POU6F2: variants seen among roughly 807,000 people sequenced by gnomAD.
POU6F2 encodes the protein POU class 6 homeobox 2, also known as POU domain, class 6, transcription factor 2.
In POU6F2, 31 loss-of-function variants were observed where a neutral mutation model predicts 71.3. The observed-to-expected ratio is 0.43, with a 90% CI of 0.33 to 0.59. POU6F2 has a LOEUF of 0.59. Among genes scored for constraint, POU6F2 ranks in the 20% least tolerant of loss-of-function variants. The pLI, the probability that POU6F2 is intolerant of heterozygous loss-of-function variation, is 0.04. For synonymous variants in POU6F2, 347 were observed against 355.7 expected (o/e 0.98, Z 0.27); for missense variants, 783 against 856.8 (o/e 0.91, Z 1.07).
chr7:38,999,108 T>C (rs1460934272), intron 1 of POU6F2, among the ~76,000 whole-genome samples: 5 of 152,136 alleles, frequency 3.3e-5, no homozygotes, highest in East Asian at 3.9e-4. Context: ...TGGAGTTAAG[T>C]AGAAGGCATT....
chr7:39,334,733 G>C (rs923954087), intron 4 of POU6F2, among the ~76,000 whole-genome samples: 21 of 152,210 alleles, frequency 1.4e-4, no homozygotes, highest in African/African-American at 4.8e-4. Context: ...ATGGGCATGT[G>C]TGGATGTTCC....
At chr7:39,235,713 C>T (rs1439679528) in intron 4 of POU6F2, among the ~76,000 whole-genome samples, 1 of 152,178 alleles carries the variant, frequency 6.6e-6, no homozygotes, top group African/African-American at 2.4e-5. Flanking sequence ...TACCTATTGA[C>T]ACTATGCTGC....
intron 2 of POU6F2, among the ~76,000 whole-genome samples, chr7:39,141,727 A>T (rs540463268): frequency 2.0e-3 from 307 of 152,354 alleles, no homozygotes; most frequent in Non-Finnish European, 3.4e-3. Flanking sequence ...TATTATTTTT[A>T]AAAAAGATGT....
At chr7:39,329,303 G>A (rs1490858155) in intron 4 of POU6F2, among the ~76,000 whole-genome samples, 2 of 149,978 alleles carry the variant, frequency 1.3e-5, no homozygotes, top group Non-Finnish European at 3.0e-5. Context: ...ATATGAGACA[G>A]AAAGCAAGCC....
intron 8 of POU6F2, among the ~76,000 whole-genome samples, chr7:39,452,646 GT>G: frequency 6.6e-6 from 1 of 152,248 alleles, no homozygotes; most frequent in African/African-American, 2.4e-5. Flanking sequence ...AAAATGGATG[GT>G]TGCCATGACC....
At chr7:39,407,668 T>C (rs2115901118) in intron 6 of POU6F2, among the ~76,000 whole-genome samples, 1 of 152,098 alleles carries the variant, frequency 6.6e-6, no homozygotes, top group Non-Finnish European at 1.5e-5. Flanking sequence ...CAGCAGTGTG[T>C]TTGCATACTC....
chr7:39,184,666 G>T (rs1438138344), intron 2 of POU6F2, among the ~76,000 whole-genome samples: 4 of 152,144 alleles, frequency 2.6e-5, no homozygotes, highest in Non-Finnish European at 5.9e-5. Flanking sequence ...TGGCTTGGGT[G>T]GGGCACTCAT....
intron 1 of POU6F2, among the ~76,000 whole-genome samples, chr7:39,009,555 C>T (rs976979679): frequency 7.2e-4 from 110 of 152,248 alleles, no homozygotes; most frequent in African/African-American, 2.6e-3. Context: ...ACTTCCAACA[C>T]TATGTTGAAT....
chr7:39,371,510 T>C (rs17686795), intron 5 of POU6F2, among the ~76,000 whole-genome samples: 25,568 of 152,068 alleles, frequency 0.17, 2,415 homozygotes, highest in Admixed American at 0.24. Context: ...GTCTGGGGGC[T>C]CGGAGCACTA....
chr7:39,202,666 G>A (rs1353163556), intron 2 of POU6F2, among the ~76,000 whole-genome samples: 2 of 152,168 alleles, frequency 1.3e-5, no homozygotes, highest in African/African-American at 4.8e-5. Flanking sequence ...CAAATGCCGT[G>A]CTTTTAAGCA....
intron 5 of POU6F2, among the ~76,000 whole-genome samples, chr7:39,368,947 G>A (rs1294225433): frequency 6.6e-6 from 1 of 152,180 alleles, no homozygotes; most frequent in Admixed American, 6.5e-5. Flanking sequence ...ACTGAAGGTG[G>A]GGTGGAAATA....
intron 1 of POU6F2, among the ~76,000 whole-genome samples, chr7:38,996,886 G>C (rs2128698119): frequency 6.6e-6 from 1 of 152,212 alleles, no homozygotes; most frequent in East Asian, 1.9e-4. Context: ...TTAATGAATG[G>C]ACAGAGCACA....
intron 2 of POU6F2, among the ~76,000 whole-genome samples, chr7:39,153,940 C>A (rs1377773878): frequency 6.6e-6 from 1 of 152,120 alleles, no homozygotes; most frequent in Non-Finnish European, 1.5e-5. Flanking sequence ...ATAAACTCTG[C>A]CACCTATAAT....
At chr7:39,178,438 G>A (rs1009823985) in intron 2 of POU6F2, among the ~76,000 whole-genome samples, 3 of 152,038 alleles carry the variant, frequency 2.0e-5, no homozygotes, top group Middle Eastern at 3.4e-3. Context: ...TATTTTCTAA[G>A]TATTATAACA....
chr7:39,104,905 T>C (rs1183532587), intron 2 of POU6F2, among the ~76,000 whole-genome samples: 1 of 152,252 alleles, frequency 6.6e-6, no homozygotes, highest in Non-Finnish European at 1.5e-5. Flanking sequence ...AAATGGGAGA[T>C]AATGTCTGCA....
Position 39,460,681 on chromosome 7 carries a change from G to A in POU6F2, c.1624G>A (p.Glu542Lys), listed in dbSNP as rs768964948. The change falls in exon 9 of 10, where the codon GAG becomes AAG. Residue 542 changes from glutamate to lysine, a missense_variant. Around this residue, in one of 2 missense-constraint regions of POU6F2, gnomAD observed 211 missense variants for 283.9 expected, o/e 0.74. Transcript: ENST00000518318. This position sits in a 1 kb window ranked among gnomAD's most constrained non-coding sequence, Gnocchi z 4.4. ...GGTGGGACAGGCTCTCAGTGCTACA[G>A]AGGGCCCCGCGTACAGCCAGTCGGC... The part of the protein sequence containing the change: ...TQVGQALSAT[E>K]GPAYSQSAIC... 2 of 1,608,390 alleles carry A rather than the reference G, an allele frequency of 1.2e-6. No homozygotes were observed. The highest frequency in any genetic ancestry group is 2.2e-5 in the East Asian group (1 of 44,634).
chr7:39,016,057 T>TATATATATC (rs1789531745), intron 1 of POU6F2, among the ~76,000 whole-genome samples: 1 of 37,916 alleles, frequency 2.6e-5, no homozygotes, highest in Non-Finnish European at 5.4e-5. Flanking sequence ...TTATATATAT[T>TATATATATC]ATATATAATA....
rs1583544156 is a variant in POU6F2, at chr7:39,351,269, G to A, written c.972+11254G>A. ...TTTATTTTATGATATAATAAGACTG[G>A]GTCTTCATTTCCAAAAAGGATGAGC... is the stretch of plus-strand genomic sequence containing the variant. On this transcript the variant is annotated intron_variant, in intron 5 of 9. Coordinates refer to ENST00000518318, the MANE Select transcript of POU6F2 (RefSeq NM_001370959.1). 2.6e-5 allele frequency among the ~76,000 whole-genome samples: 4 copies of A among 152,128 alleles called. No individual in the cohort carries two copies. In the South Asian group the frequency reaches 6.2e-4, roughly 24 times the overall value.
At chr7:39,387,131 G>A (rs1583566494) in intron 5 of POU6F2, among the ~76,000 whole-genome samples, 1 of 152,194 alleles carries the variant, frequency 6.6e-6, no homozygotes, top group East Asian at 1.9e-4. Context: ...TCATCCCCAG[G>A]AACCCAGGGT....
Sources: allele counts gnomAD v4.1 joint callset (sites outside exome capture counted in the v4.1 genomes callset), GRCh38; gene constraint gnomAD v4.1.1; regional missense constraint gnomAD v4.1.1; non-coding constraint Gnocchi (gnomAD v3.1); transcripts MANE v1.5; gene names NCBI Gene and HGNC (gene_info 2026-07-23, HGNC 2026-07-21).